The following SAR1B variants were observed in gnomAD, a reference collection of about 807,000 sequenced individuals.
SAR1B encodes the protein secretion associated Ras related GTPase 1B, also known as small COPII coat GTPase SAR1B.
SAR1B carries 23 observed loss-of-function variants against 26.8 expected under a neutral mutation model. The observed-to-expected ratio is 0.86, with a 90% confidence interval of 0.62 to 1.22. The LOEUF is 1.22. SAR1B is among the 50% of genes most tolerant of loss of function. SAR1B has a pLI of 0.00. For missense variants in SAR1B, 196 were observed against 232.8 expected (o/e 0.84, Z 1.03); for synonymous variants, 65 against 80.8 (o/e 0.80, Z 1.05).
At chr5:134,608,632 C>T (rs943967258) in intron 5 of SAR1B, 129 bp from the exon 6 acceptor site, 131 of 1,023,576 alleles carry the variant, frequency 1.3e-4, no homozygotes, top group Admixed American at 3.0e-4. Flanking sequence ...CTTTGTCAAA[C>T]TTTCCCCACA....
At chr5:134,619,009 A>C (rs957358052) in intron 3 of SAR1B, among the ~76,000 whole-genome samples, 1 of 148,670 alleles carries the variant, frequency 6.7e-6, no homozygotes, top group African/African-American at 2.5e-5. Context: ...AAAAAGGAAA[A>C]AAAAAAAATT....
At chr5:134,616,131 GAAA>G (rs1218921148) in intron 3 of SAR1B, among the ~76,000 whole-genome samples, 1 of 69,442 alleles carries the variant, frequency 1.4e-5, no homozygotes, top group Admixed American at 1.8e-4. Flanking sequence ...CTCCATCTCG[GAAA>G]AAAAAAAAAA....
At chr5:134,618,553 T>C (rs910936149) in intron 3 of SAR1B, among the ~76,000 whole-genome samples, 1 of 152,228 alleles carries the variant, frequency 6.6e-6, no homozygotes, top group Non-Finnish European at 1.5e-5. Flanking sequence ...CTTTAAACTC[T>C]GTGTCTATCT....
chr5:134,617,784 C>G (rs918349417), intron 3 of SAR1B, among the ~76,000 whole-genome samples: 1 of 152,072 alleles, frequency 6.6e-6, no homozygotes, highest in Admixed American at 6.6e-5. Context: ...CGGGTTCAAG[C>G]AATTCTCCTG....
chr5:134,623,259 G>A (rs965477545), intron 2 of SAR1B, among the ~76,000 whole-genome samples: 1 of 151,882 alleles, frequency 6.6e-6, no homozygotes, highest in East Asian at 1.9e-4. Context: ...TGGCCAACAT[G>A]GCAAAGCCCC....
At chr5:134,628,152 A>C (rs1253148488) in intron 1 of SAR1B, among the ~76,000 whole-genome samples, 1 of 152,108 alleles carries the variant, frequency 6.6e-6, no homozygotes, top group Non-Finnish European at 1.5e-5. Context: ...TCAAAAAAAA[A>C]AGAAAAAAAA....
Position 134,606,681 on chromosome 5 carries a change from C to T in SAR1B, c.*269G>A, listed in dbSNP as rs1169385843. On this transcript the variant is annotated 3_prime_UTR_variant, in exon 7 of 7. Transcript: ENST00000402673. ...CTTCAAATGTACTGCTGGAAAGTTG[C>T]TCTTTACAAATGGCGCTGGGGTGAT... 2.7e-6 allele frequency: 1 copy of T among 375,876 alleles called. No homozygotes were observed. Among genetic ancestry groups the T allele is most frequent in the Non-Finnish European group, 5.0e-6 (1 of 198,760 alleles). 23.3% of individuals were successfully genotyped at this position (375,876 alleles called of 1,614,324 possible). A position where few individuals can be genotyped will look rare whatever the true frequency, so the allele number is the denominator to read the frequency against.
At chr5:134,610,566 CAAAAAAAAA>C (rs55682339) in intron 4 of SAR1B, among the ~76,000 whole-genome samples, 25 of 39,044 alleles carry the variant, frequency 6.4e-4, no homozygotes, top group African/African-American at 2.6e-3. Flanking sequence ...GACTCCGTCT[CAAAAAAAAA>C]AAAAAAAAAA....
chr5:134,627,267 G>T (rs1765508698), intron 1 of SAR1B, among the ~76,000 whole-genome samples: 1 of 151,576 alleles, frequency 6.6e-6, no homozygotes, highest in South Asian at 2.1e-4. Context: ...TAGCCAGGAT[G>T]GTCTCGATCT....
At chr5:134,609,045 A>T (rs1192485913) in intron 5 of SAR1B, 1 of 455,996 alleles carries the variant, frequency 2.2e-6, no homozygotes, top group South Asian at 1.6e-5. Context: ...ATCAACCTTC[A>T]ATCAAATCAT....
At chr5:134,620,806 A>C in intron 3 of SAR1B, 127 bp downstream of exon 3, 4 of 1,090,030 alleles carry the variant, frequency 3.7e-6, no homozygotes, top group Non-Finnish European at 5.6e-6. Context: ...GTGAACTGTG[A>C]TCATACCACT....
chr5:134,613,209 C>A (rs1028051137), intron 3 of SAR1B: 1 of 192,262 alleles, frequency 5.2e-6, no homozygotes, highest in Non-Finnish European at 1.0e-5. Context: ...CAATGGAAAC[C>A]GGACACAGCA....
intron 1 of SAR1B, among the ~76,000 whole-genome samples, chr5:134,631,019 G>A (rs1765595549): frequency 6.8e-6 from 1 of 147,920 alleles, no homozygotes. Flanking sequence ...CATCTCAGCA[G>A]CGAGTAGCTG....
intron 3 of SAR1B, 124 bp from the exon 4 acceptor site, chr5:134,612,880 C>A: frequency 1.2e-6 from 1 of 829,180 alleles, no homozygotes; most frequent in South Asian, 1.8e-5. Context: ...ATAGTAACTT[C>A]TCTTAGAAGC....
At chr5:134,620,162 C>G (rs771429769) in intron 3 of SAR1B, among the ~76,000 whole-genome samples, 2 of 151,778 alleles carry the variant, frequency 1.3e-5, no homozygotes, top group Non-Finnish European at 2.9e-5. Flanking sequence ...AAAAATTAGC[C>G]GGGCGTGGTG....
intron 1 of SAR1B, among the ~76,000 whole-genome samples, chr5:134,627,106 C>T (rs1765505704): frequency 1.3e-5 from 2 of 151,856 alleles, no homozygotes. Flanking sequence ...GGATGGAGTG[C>T]ACTGGCGCGA....
intron 3 of SAR1B, 49 bp from the exon 4 acceptor site, chr5:134,612,805 A>T (rs929290751): frequency 6.5e-7 from 1 of 1,529,578 alleles, no homozygotes; most frequent in African/African-American, 1.4e-5. Flanking sequence ...AAACCCATTA[A>T]TCGTGTAAAA....
intron 3 of SAR1B, among the ~76,000 whole-genome samples, chr5:134,615,392 G>A (rs1298274018): frequency 1.3e-5 from 2 of 151,468 alleles, no homozygotes; most frequent in East Asian, 3.9e-4. Flanking sequence ...GCAGGTGCCT[G>A]TAATCCCAGC....
chr5:134,610,009 T>TA (rs1765187486), intron 4 of SAR1B, among the ~76,000 whole-genome samples: 3 of 151,656 alleles, frequency 2.0e-5, no homozygotes, highest in East Asian at 1.9e-4. Flanking sequence ...ATATAAGCAG[T>TA]AAAAAAACTA....
Sources: gnomAD v4.1 joint callset for allele counts (sites outside exome capture counted in the v4.1 genomes callset) on GRCh38, gnomAD v4.1.1 for gene constraint, MANE v1.5 for transcripts, NCBI Gene and HGNC (gene_info 2026-07-23, HGNC 2026-07-21) for gene names.